The following LUZP2 variants were observed in gnomAD, a reference collection of about 807,000 sequenced individuals.
LUZP2 encodes leucine zipper protein 2.
LUZP2 carries 52 observed loss-of-function variants against 51.6 expected under a neutral mutation model. The ratio of observed to expected loss-of-function variants is 1.01; its 90% CI spans 0.81 to 1.27. The LOEUF is 1.27. Among genes scored for constraint, LUZP2 ranks in the 50% most tolerant of loss-of-function variants. The pLI, the probability that LUZP2 is intolerant of heterozygous loss-of-function variation, is 0.00. For synonymous variants in LUZP2, 154 were observed against 137.3 expected, an observed-to-expected ratio of 1.12 and a Z score of -0.85; for missense variants, 436 against 395.4, an observed-to-expected ratio of 1.10 and a Z score of -0.87.
At chr11:24,975,551 G>A (rs2133902984) in intron 7 of LUZP2, among the ~76,000 whole-genome samples, 1 of 152,124 alleles carries the variant, frequency 6.6e-6, no homozygotes, top group East Asian at 1.9e-4. Flanking sequence ...ATGGATAAAT[G>A]GAACAATAAT....
intron 9 of LUZP2, among the ~76,000 whole-genome samples, chr11:25,001,783 GTCTC>G (rs1326597455): frequency 1.3e-5 from 2 of 151,200 alleles, no homozygotes; most frequent in Non-Finnish European, 2.9e-5. Context: ...CTTTGACTTT[GTCTC>G]TCTATCTCTT....
chr11:25,009,701 G>A (rs933247405), intron 9 of LUZP2, among the ~76,000 whole-genome samples: 5 of 151,970 alleles, frequency 3.3e-5, no homozygotes, highest in South Asian at 2.1e-4. Context: ...CTAACCAAAG[G>A]CATTGTGATT....
chr11:24,939,222 A>C (rs1259307992), intron 7 of LUZP2, among the ~76,000 whole-genome samples: 1 of 152,156 alleles, frequency 6.6e-6, no homozygotes, highest in Non-Finnish European at 1.5e-5. Flanking sequence ...CTTCTAAAAA[A>C]GTGCACTCGT....
intron 1 of LUZP2, among the ~76,000 whole-genome samples, chr11:24,723,556 C>T (rs1175890346): frequency 3.9e-5 from 6 of 152,108 alleles, no homozygotes; most frequent in South Asian, 2.1e-4. Context: ...CTGGACACGG[C>T]GGCCCATGCC....
At chr11:24,815,214 T>G (rs902592934) in intron 5 of LUZP2, among the ~76,000 whole-genome samples, 3 of 152,176 alleles carry the variant, frequency 2.0e-5, no homozygotes, top group Admixed American at 1.3e-4. Context: ...ATATCATTAT[T>G]TTTGTAATGT....
At chr11:24,584,513 AT>A (rs1184554573) in intron 1 of LUZP2, among the ~76,000 whole-genome samples, 1 of 152,238 alleles carries the variant, frequency 6.6e-6, no homozygotes, top group African/African-American at 2.4e-5. Context: ...TTAAATATAG[AT>A]AAATGACTTC....
chr11:24,954,760 T>C (rs892026690), intron 7 of LUZP2, among the ~76,000 whole-genome samples: 1 of 152,058 alleles, frequency 6.6e-6, no homozygotes, highest in Non-Finnish European at 1.5e-5. Flanking sequence ...ACCAATCATT[T>C]TATATTTTGA....
rs1357414966 is a variant in LUZP2 at position 24,583,873 on chromosome 11, T to G, written c.62+86568T>G. Among the ~76,000 whole-genome samples the G allele has an allele frequency of 2.7e-4, 20 of 75,444 alleles. No homozygotes were observed. The Admixed American group carries it at 3.1e-3, about 12-fold the overall frequency. 49.5% of individuals were successfully genotyped at this position (75,444 alleles called of 152,430 possible). On this transcript the variant is annotated intron_variant, in intron 1 of 11. Transcript: ENST00000336930. Reference sequence around the variant, plus strand: ...AGCCCGCCACCATGACCAGCTAATTTTTTGTATTTTTTTTTTTTTTGGTAG... The same window carrying G: ...AGCCCGCCACCATGACCAGCTAATTGTTTGTATTTTTTTTTTTTTTGGTAG...
At chr11:24,688,795 T>A (rs1024870698) in intron 1 of LUZP2, among the ~76,000 whole-genome samples, 2 of 152,122 alleles carry the variant, frequency 1.3e-5, no homozygotes, top group Non-Finnish European at 2.9e-5. Flanking sequence ...GGAGTTCATC[T>A]CTCACGTGTC....
intron 7 of LUZP2, among the ~76,000 whole-genome samples, chr11:24,926,309 G>GTA (rs1173697595): frequency 6.5e-5 from 5 of 76,530 alleles, no homozygotes; most frequent in Non-Finnish European, 1.0e-4. Context: ...ATATACGTGT[G>GTA]TATATATATA....
chr11:24,728,846 A>T (rs1858594335), intron 1 of LUZP2, among the ~76,000 whole-genome samples: 1 of 151,990 alleles, frequency 6.6e-6, no homozygotes, highest in South Asian at 2.1e-4. Context: ...GGTTTAGTGG[A>T]TTCCACGTGG....
intron 1 of LUZP2, among the ~76,000 whole-genome samples, chr11:24,670,325 G>A (rs1047611871): frequency 6.6e-6 from 1 of 151,952 alleles, no homozygotes; most frequent in Non-Finnish European, 1.5e-5. Flanking sequence ...GATGACTATG[G>A]TCATAATAAC....
At chr11:24,697,276 C>G (rs989971681) in intron 1 of LUZP2, among the ~76,000 whole-genome samples, 10 of 152,128 alleles carry the variant, frequency 6.6e-5, no homozygotes, top group African/African-American at 2.4e-4. Context: ...ATGGCTTTAT[C>G]CAAGGTGAAT....
intron 7 of LUZP2, among the ~76,000 whole-genome samples, chr11:24,933,301 T>C (rs1326092595): frequency 6.6e-6 from 1 of 152,168 alleles, no homozygotes; most frequent in Non-Finnish European, 1.5e-5. Flanking sequence ...TATGTAGCTC[T>C]GTTCGTCTGA....
rs117408966 is a variant in LUZP2, at chr11:24,685,322, A to G, written c.63-43847A>G. Among the ~76,000 whole-genome samples the G allele has an allele frequency of 1.8e-4, 27 of 152,254 alleles. No individual in the cohort carries two copies. In the East Asian group the frequency reaches 4.6e-3, roughly 26 times the overall value. Reference sequence around the variant, plus strand: ...ATGAATTCTAGGGGCATGGCAAGTGACTACCTGCAACTAAAAACCAACGTT... The same window carrying G: ...ATGAATTCTAGGGGCATGGCAAGTGGCTACCTGCAACTAAAAACCAACGTT... On this transcript the variant is annotated intron_variant, in intron 1 of 11. Coordinates refer to ENST00000336930, the MANE Select transcript of LUZP2 (RefSeq NM_001009909.4).
At chr11:24,802,929 A>G (rs1419021424) in intron 5 of LUZP2, among the ~76,000 whole-genome samples, 1 of 151,962 alleles carries the variant, frequency 6.6e-6, no homozygotes, top group Non-Finnish European at 1.5e-5. Context: ...CAGACGCTGA[A>G]TCTCCTGGTT....
chr11:24,886,426 T>A (rs80271284), intron 5 of LUZP2, among the ~76,000 whole-genome samples: 1 of 152,184 alleles, frequency 6.6e-6, no homozygotes, highest in Non-Finnish European at 1.5e-5. Context: ...GTCTACTTTT[T>A]ATTTCCATGT....
At chr11:24,761,423 T>C (rs12790939) in intron 4 of LUZP2, among the ~76,000 whole-genome samples, 25,790 of 152,100 alleles carry the variant, frequency 0.17, 2,690 homozygotes, top group African/African-American at 0.28. Context: ...CTAGCTCCAG[T>C]GTTAAGGATT....
At position 24,938,992 on chromosome 11, in the gene LUZP2, A is replaced by G. The variant is rs540707033; in HGVS notation, c.522+24454A>G. ...CAAGCCCCAGCAAGGTGCTGAGTCTAATGGTCTAGCCACACTTTAAATTGG... is the reference window on the plus strand; with the variant it reads ...CAAGCCCCAGCAAGGTGCTGAGTCTGATGGTCTAGCCACACTTTAAATTGG... On this transcript the variant is annotated intron_variant, in intron 7 of 11. Transcript: ENST00000336930. Among the ~76,000 whole-genome samples, 142 of 152,238 alleles carry G rather than the reference A, an allele frequency of 9.3e-4. 1 individual carries two copies. The South Asian group carries it at 0.028, about 30-fold the overall frequency.
Sources: allele counts gnomAD v4.1 joint callset (sites outside exome capture counted in the v4.1 genomes callset), GRCh38; gene constraint gnomAD v4.1.1; transcripts MANE v1.5; gene names NCBI Gene and HGNC (gene_info 2026-07-23, HGNC 2026-07-21).